AGBL1: variants seen among roughly 807,000 people sequenced by gnomAD.
AGBL1 encodes cytosolic carboxypeptidase 4.
A neutral mutation model predicts 118.9 loss-of-function variants in AGBL1; 130 were observed. The ratio of observed to expected loss-of-function variants is 1.09; its 90% CI spans 0.95 to 1.26. The LOEUF is 1.26. Among genes scored for constraint, AGBL1 ranks in the 50% most tolerant of loss-of-function variants. The pLI is 0.00. For missense variants in AGBL1, 1,584 were observed against 1,298.1 expected (o/e 1.22, Z -3.38); for synonymous variants, 555 against 478.9 (o/e 1.16, Z -2.08).
intron 21 of AGBL1, among the ~76,000 whole-genome samples, chr15:86,639,624 C>G (rs1432457726): frequency 6.6e-6 from 1 of 152,156 alleles, no homozygotes; most frequent in Non-Finnish European, 1.5e-5. Context: ...CCTACCTCCC[C>G]CATACAGCTT....
chr15:86,701,341 C>G (rs1197402253), intron 22 of AGBL1, among the ~76,000 whole-genome samples: 1 of 151,928 alleles, frequency 6.6e-6, no homozygotes. Context: ...TATGGGGACT[C>G]TGGTTGTGTG....
intron 22 of AGBL1, among the ~76,000 whole-genome samples, chr15:86,877,293 T>C (rs1010502006): frequency 6.6e-6 from 1 of 152,188 alleles, no homozygotes; most frequent in Non-Finnish European, 1.5e-5. Context: ...GGAAAGAGTA[T>C]GACAGGTGCC....
At chr15:86,494,227 GGTTGAT>G (rs892496228) in intron 18 of AGBL1, among the ~76,000 whole-genome samples, 42 of 152,124 alleles carry the variant, frequency 2.8e-4, no homozygotes, top group African/African-American at 1.0e-3. Context: ...TATGAGGCAT[GGTTGAT>G]GTGGGGTCAT....
At chr15:86,453,605 A>T (rs930003755) in intron 18 of AGBL1, among the ~76,000 whole-genome samples, 3 of 152,322 alleles carry the variant, frequency 2.0e-5, no homozygotes, top group East Asian at 3.9e-4. Flanking sequence ...GCAAAAAGCC[A>T]TCAGGTTTTA....
At chr15:87,013,739 G>C (rs2081584123) in intron 24 of AGBL1, among the ~76,000 whole-genome samples, 1 of 152,116 alleles carries the variant, frequency 6.6e-6, no homozygotes, top group African/African-American at 2.4e-5. Context: ...ATTTGGAGGG[G>C]AGAATATTGT....
At chr15:86,885,657 G>A (rs929602542) in intron 22 of AGBL1, among the ~76,000 whole-genome samples, 12 of 152,124 alleles carry the variant, frequency 7.9e-5, no homozygotes, top group Non-Finnish European at 1.3e-4. Flanking sequence ...TGTGAAAAAA[G>A]CAATAAGATA....
Position 86,125,945 on chromosome 15 carries a change from G to A in AGBL1, c.52-16059G>A, listed in dbSNP as rs182601827. Among the ~76,000 whole-genome samples, 70 of 152,280 alleles carry A rather than the reference G, an allele frequency of 4.6e-4. 1 individual carries two copies. The highest frequency in any genetic ancestry group is 4.1e-3 in the Admixed American group (63 of 15,302). ...AAGAGAAGCCTGATGTCCTCTTTAT[G>A]GGTTATGTGATCCTACACAGCTGCA... On this transcript the variant is annotated intron_variant, in intron 1 of 22. Coordinates refer to ENST00000614907, the MANE Select transcript of AGBL1 (RefSeq NM_001386094.1).
intron 18 of AGBL1, among the ~76,000 whole-genome samples, chr15:86,516,206 G>A (rs1308884001): frequency 6.6e-6 from 1 of 152,156 alleles, no homozygotes; most frequent in African/African-American, 2.4e-5. Flanking sequence ...CGGAGGGTTG[G>A]CTTTGAGTTC....
intron 1 of AGBL1, among the ~76,000 whole-genome samples, chr15:86,087,509 A>G (rs1895742053): frequency 1.3e-5 from 2 of 152,014 alleles, no homozygotes; most frequent in African/African-American, 4.8e-5. Flanking sequence ...TTGTATTTTT[A>G]GTAGAGGCTG....
chr15:86,498,555 G>A (rs559330244), intron 18 of AGBL1, among the ~76,000 whole-genome samples: 1 of 152,050 alleles, frequency 6.6e-6, no homozygotes, highest in African/African-American at 2.4e-5. Flanking sequence ...CTTAGAAAAT[G>A]ACATTATGAG....
At chr15:86,405,356 C>T (rs188978256) in intron 18 of AGBL1, among the ~76,000 whole-genome samples, 2 of 139,704 alleles carry the variant, frequency 1.4e-5, no homozygotes, top group African/African-American at 5.2e-5. Context: ...TTAAAAAATA[C>T]CAAAAAAAAA....
intron 17 of AGBL1, among the ~76,000 whole-genome samples, chr15:86,331,404 C>T (rs2080266742): frequency 1.7e-5 from 1 of 59,260 alleles, no homozygotes; most frequent in African/African-American, 8.0e-5. Flanking sequence ...AGAAAATTTC[C>T]CTAATCTTAC....
chr15:86,253,709 A>AT (rs2078852791), intron 7 of AGBL1, among the ~76,000 whole-genome samples: 1 of 152,278 alleles, frequency 6.6e-6, no homozygotes, highest in African/African-American at 2.4e-5. Flanking sequence ...TATGTGTTTC[A>AT]TTTTTTTATT....
intron 21 of AGBL1, among the ~76,000 whole-genome samples, chr15:86,651,000 T>C (rs1465915885): frequency 1.3e-5 from 2 of 152,212 alleles, no homozygotes; most frequent in African/African-American, 2.4e-5. Context: ...AATCCTCAAA[T>C]TGGCTTTCAT....
chr15:86,707,259 A>G (rs942528257), intron 22 of AGBL1, among the ~76,000 whole-genome samples: 1 of 152,146 alleles, frequency 6.6e-6, no homozygotes, highest in African/African-American at 2.4e-5. Flanking sequence ...TACTCCACCA[A>G]TGAATCCAAA....
intron 21 of AGBL1, among the ~76,000 whole-genome samples, chr15:86,655,104 A>G (rs1279337301): frequency 2.0e-5 from 3 of 152,308 alleles, no homozygotes; most frequent in African/African-American, 7.2e-5. Flanking sequence ...CATTGGCACA[A>G]TCATTCCAGA....
At chr15:86,293,019 A>G (rs1050134621) in intron 16 of AGBL1, among the ~76,000 whole-genome samples, 1 of 152,218 alleles carries the variant, frequency 6.6e-6, no homozygotes, top group Non-Finnish European at 1.5e-5. Flanking sequence ...CCCTGAGGCT[A>G]GAGAAAGGCC....
At chr15:86,625,393 T>TAA (rs2084871877) in intron 21 of AGBL1, among the ~76,000 whole-genome samples, 1 of 114,424 alleles carries the variant, frequency 8.7e-6, no homozygotes. Context: ...TTGTTTTTTT[T>TAA]TTTTTTTACA....
At chr15:86,847,639 A>G (rs555654692) in intron 22 of AGBL1, among the ~76,000 whole-genome samples, 24 of 152,196 alleles carry the variant, frequency 1.6e-4, no homozygotes, top group African/African-American at 4.3e-4. Flanking sequence ...ACAAGTCTCT[A>G]CCCTCTGCCA....
Sources: gnomAD v4.1 joint callset for allele counts (sites outside exome capture counted in the v4.1 genomes callset) on GRCh38, gnomAD v4.1.1 for gene constraint, MANE v1.5 for transcripts, NCBI Gene and HGNC (gene_info 2026-07-23, HGNC 2026-07-21) for gene names.